YY1: variants seen among roughly 807,000 people sequenced by gnomAD.
YY1 encodes transcriptional repressor protein YY1.
In YY1, 2 loss-of-function variants were observed where a neutral mutation model predicts 35.6. The ratio of observed to expected loss-of-function variants is 0.06; its 90% CI spans 0.02 to 0.18. The LOEUF is 0.18. Ranked by LOEUF, YY1 falls within the 10% of genes least tolerant of loss-of-function variation. The pLI is 1.00. For missense variants in YY1, 322 were observed against 573.4 expected (o/e 0.56, Z 4.48); for synonymous variants, 268 against 238.9 (o/e 1.12, Z -1.12).
intron 2 of YY1, 143 bp from the exon 3 acceptor site, chr14:100,274,554 TC>T: frequency 1.4e-6 from 1 of 695,070 alleles, no homozygotes; most frequent in East Asian, 2.7e-5. Flanking sequence ...ATGCAAGTTG[TC>T]TCATCCTTTC....
At chr14:100,253,140 A>G (rs1168444235) in intron 1 of YY1, among the ~76,000 whole-genome samples, 1 of 152,254 alleles carries the variant, frequency 6.6e-6, no homozygotes, top group Non-Finnish European at 1.5e-5. Flanking sequence ...AAACTCCAGC[A>G]GGGAATAGAC....
intron 2 of YY1, among the ~76,000 whole-genome samples, chr14:100,266,593 C>A (rs1891160349): frequency 6.6e-6 from 1 of 152,102 alleles, no homozygotes; most frequent in Non-Finnish European, 1.5e-5. Flanking sequence ...TTAGACCATA[C>A]TCCTTAAGAA....
intron 1 of YY1, among the ~76,000 whole-genome samples, chr14:100,256,153 AAC>A (rs200389988): frequency 7.3e-5 from 11 of 151,418 alleles, no homozygotes; most frequent in Admixed American, 2.0e-4. Context: ...AAAAAAAAAA[AAC>A]ATCTATATGC....
chr14:100,254,174 T>C (rs1339983764), intron 1 of YY1, among the ~76,000 whole-genome samples: 3 of 152,114 alleles, frequency 2.0e-5, no homozygotes, highest in Non-Finnish European at 4.4e-5. Flanking sequence ...CATATGTACA[T>C]ATGGCCTGTA....
chr14:100,256,792 A>T (rs1891011560), intron 1 of YY1, among the ~76,000 whole-genome samples: 1 of 152,180 alleles, frequency 6.6e-6, no homozygotes, highest in Non-Finnish European at 1.5e-5. Context: ...TGAATGTATT[A>T]AATGGCACTG....
intron 1 of YY1, 150 bp from the exon 2 acceptor site, chr14:100,262,154 C>A: frequency 1.3e-6 from 1 of 773,750 alleles, no homozygotes; most frequent in Non-Finnish European, 2.1e-6. Flanking sequence ...CAGAGTGAGA[C>A]CGTTCTCCAA....
chr14:100,243,838 G>A (rs1185777320), intron 1 of YY1, among the ~76,000 whole-genome samples: 1 of 151,962 alleles, frequency 6.6e-6, no homozygotes, highest in Admixed American at 6.6e-5. Flanking sequence ...GGGCGCGGTG[G>A]CTGACGCCTG....
intron 1 of YY1, among the ~76,000 whole-genome samples, chr14:100,261,370 A>C (rs1891084496): frequency 6.6e-6 from 1 of 151,554 alleles, no homozygotes. Flanking sequence ...TGTATTTTTA[A>C]GTAGAGATGG....
intron 2 of YY1, among the ~76,000 whole-genome samples, chr14:100,273,668 T>G (rs1891278742): frequency 6.6e-6 from 1 of 152,130 alleles, no homozygotes; most frequent in African/African-American, 2.4e-5. Context: ...CCCGGCTGAT[T>G]TATTTATTTA....
At chr14:100,246,665 A>C (rs1890838378) in intron 1 of YY1, among the ~76,000 whole-genome samples, 1 of 152,224 alleles carries the variant, frequency 6.6e-6, no homozygotes, top group South Asian at 2.1e-4. Flanking sequence ...GTTGAAATGC[A>C]TTGAATTTTT....
chr14:100,276,335 A>C lies in YY1; in HGVS notation c.904-155A>C. The C allele has an allele frequency of 1.0e-6, 1 of 998,254 alleles. No individual in the cohort carries two copies. Among genetic ancestry groups the C allele is most frequent in the Non-Finnish European group, 1.5e-6 (1 of 678,276 alleles). The allele number at this position is 998,254 out of a possible 1,614,324, so 61.8% of individuals were successfully genotyped here. A position where few individuals can be genotyped will look rare whatever the true frequency, so the allele number is the denominator to read the frequency against. On this transcript the variant is annotated intron_variant, in intron 3 of 4. Transcript: ENST00000262238. This position sits in a 1 kb window ranked among gnomAD's most constrained non-coding sequence, Gnocchi z 4.1. ...TTTCAGCTGTCTGCTTTTTGTCTTA[A>C]ATGATATTAATGTTCTACCGTAATA... is the stretch of plus-strand genomic sequence containing the variant.
intron 1 of YY1, among the ~76,000 whole-genome samples, chr14:100,261,571 T>G (rs1428863629): frequency 6.6e-6 from 1 of 152,198 alleles, no homozygotes; most frequent in Non-Finnish European, 1.5e-5. Context: ...CTGACCAACC[T>G]CCATGTCCAT....
At chr14:100,249,100 A>ATTTTTTTTTTTTTTTT (rs60088505) in intron 1 of YY1, among the ~76,000 whole-genome samples, 2 of 46,766 alleles carry the variant, frequency 4.3e-5, no homozygotes, top group East Asian at 9.2e-4. Context: ...TTCTCGTGTA[A>ATTTTTTTTTTTTTTTT]TTTTTTTTTT....
chr14:100,251,648 T>C (rs73351477), intron 1 of YY1, among the ~76,000 whole-genome samples: 164 of 148,706 alleles, frequency 1.1e-3, no homozygotes, highest in African/African-American at 4.1e-3. Flanking sequence ...ATAAAGGGGC[T>C]TTTTTTGCAC....
rs1348754569 is a variant in YY1 at position 100,282,484 on chromosome 14, A to G, written c.*4884A>G. The G allele has an allele frequency of 6.6e-6, 1 of 152,162 alleles. No individual in the cohort carries two copies. The highest frequency in any genetic ancestry group is 1.5e-5 in the Non-Finnish European group (1 of 68,030). 9.4% of individuals were successfully genotyped at this position (152,162 alleles called of 1,614,324 possible). A position where few individuals can be genotyped will look rare whatever the true frequency, so the allele number is the denominator to read the frequency against. ...ATACCCGGACATGTGAGGCTCTATT[A>G]TCAACAGGTGGTGAGAAAAATTATG... On this transcript the variant is annotated 3_prime_UTR_variant, in exon 5 of 5. Transcript: ENST00000262238.
At position 100,241,220 on chromosome 14, in the gene YY1, C is replaced by T. The variant is rs146138480; in HGVS notation, c.679+1297C>T. Among the ~76,000 whole-genome samples the T allele has an allele frequency of 2.1e-3, 325 of 152,288 alleles. 4 individuals carry two copies. The highest frequency in any genetic ancestry group is 3.8e-3 in the Non-Finnish European group (257 of 68,026). ...GTTAATCTAATGCCTGTGATGATTA[C>T]GTTTAGTACTCCATATAAGCGGTGG... On this transcript the variant is annotated intron_variant, in intron 1 of 4. Coordinates refer to ENST00000262238, the MANE Select transcript of YY1 (RefSeq NM_003403.5).
chr14:100,242,741 T>G (rs1595311895), intron 1 of YY1, among the ~76,000 whole-genome samples: 1 of 151,694 alleles, frequency 6.6e-6, no homozygotes, highest in East Asian at 1.9e-4. Flanking sequence ...GTCCGTTTCT[T>G]TTCTTCTCTT....
At chr14:100,266,289 G>A (rs1392451342) in intron 2 of YY1, among the ~76,000 whole-genome samples, 1 of 152,142 alleles carries the variant, frequency 6.6e-6, no homozygotes, top group Non-Finnish European at 1.5e-5. Context: ...CAGAGTAAAA[G>A]CATCATTCAG....
At chr14:100,264,789 A>G (rs995796369) in intron 2 of YY1, among the ~76,000 whole-genome samples, 1 of 152,222 alleles carries the variant, frequency 6.6e-6, no homozygotes, top group Non-Finnish European at 1.5e-5. Context: ...TGTGGCAGTC[A>G]GATAACAAAG....
Sources: allele counts gnomAD v4.1 joint callset (sites outside exome capture counted in the v4.1 genomes callset), GRCh38; gene constraint gnomAD v4.1.1; non-coding constraint Gnocchi (gnomAD v3.1); transcripts MANE v1.5; gene names NCBI Gene and HGNC (gene_info 2026-07-23, HGNC 2026-07-21).